Variants in SP110 observed in about 807,000 individuals in gnomAD.
The protein encoded by SP110 is interferon-induced protein 41, 30kD.
A neutral mutation model predicts 92.7 loss-of-function variants in SP110; 62 were observed. The observed-to-expected ratio is 0.67, with a 90% CI of 0.55 to 0.83. SP110 has a LOEUF of 0.83. Ranked by LOEUF, SP110 falls within the 40% of genes least tolerant of loss-of-function variation. The pLI, the probability that SP110 is intolerant of heterozygous loss-of-function variation, is 0.00. For missense variants in SP110, 793 were observed against 863.9 expected (o/e 0.92, Z 1.03); for synonymous variants, 273 against 305.3 (o/e 0.89, Z 1.10).
At chr2:230,169,792 T>C (rs1329802253) in intron 18 of SP110, among the ~76,000 whole-genome samples, 1 of 152,156 alleles carries the variant, frequency 6.6e-6, no homozygotes, top group Non-Finnish European at 1.5e-5. Flanking sequence ...TGATGCAAAA[T>C]AGCTTAACAA....
At chr2:230,182,656 G>A (rs1423571582) in intron 12 of SP110, among the ~76,000 whole-genome samples, 1 of 152,070 alleles carries the variant, frequency 6.6e-6, no homozygotes, top group Non-Finnish European at 1.5e-5. Context: ...CTAGAGACAC[G>A]GGTAGGGGTG....
At chr2:230,223,239 G>C (rs901675633), upstream of SP110, among the ~76,000 whole-genome samples, 4 of 152,118 alleles carry the variant, frequency 2.6e-5, no homozygotes, top group Admixed American at 2.6e-4. Flanking sequence ...GTTTCACCAT[G>C]TTGGCCAGGA....
At chr2:230,172,809 GCT>G in intron 15 of SP110, 33 bp downstream of exon 15, 1 of 1,387,154 alleles carries the variant, frequency 7.2e-7, no homozygotes, top group Non-Finnish European at 1.0e-6. Context: ...GGAGGTGAGT[GCT>G]GTGTGCCCGA....
Position 230,165,316 on chromosome 2 carries a change from C to T in SP110, c.*3808G>A, listed in dbSNP as rs942807226. Among the ~76,000 whole-genome samples, 1 of 152,154 alleles carries T rather than the reference C, an allele frequency of 6.6e-6. No homozygotes were observed. Among genetic ancestry groups the T allele is most frequent in the African/African-American group, 2.4e-5 (1 of 41,424 alleles). ...TAATTCTTTTCAAATTACTTAAAGA[C>T]ACACTTCAGTTGACTGAAAGGCAGA... is the stretch of plus-strand genomic sequence containing the variant. On this transcript the variant is annotated 3_prime_UTR_variant, in exon 19 of 19. Transcript: ENST00000258381.
rs558002637 is a variant in SP110 at position 230,198,045 on chromosome 2, T to C, written c.1129+2840A>G. On this transcript the variant is annotated intron_variant, in intron 10 of 18. Coordinates refer to ENST00000258381, the MANE Select transcript of SP110 (RefSeq NM_080424.4). ...GCTGCAGTAACAAATGAAACCAAAT[T>C]TTGGTGGTTTAACATTGAAAAGTGT... is the stretch of plus-strand genomic sequence containing the variant. Among the ~76,000 whole-genome samples the C allele has an allele frequency of 2.6e-5, 4 of 152,216 alleles. No homozygotes were observed. The South Asian group carries it at 8.3e-4, about 32-fold the overall frequency.
In SP110 at chr2:230,177,310, G is replaced by A. The variant is rs920977143; in HGVS notation, c.1590+228C>T. 3.1e-4 allele frequency: 176 copies of A among 571,970 alleles called. No individual in the cohort carries two copies. In the Middle Eastern group the frequency reaches 6.3e-3, roughly 21 times the overall value. The allele number at this position is 571,970 out of a possible 1,614,324, so 35.4% of individuals were successfully genotyped here. A position where few individuals can be genotyped will look rare whatever the true frequency, so the allele number is the denominator to read the frequency against. On this transcript the variant is annotated intron_variant, in intron 14 of 18. Transcript: ENST00000258381. ...TCTCTTCACCTCAAAGCCCTTTGCC[G>A]GCATTTAAAGTTCCTGTACTCCTTT...
upstream of SP110, chr2:230,221,731 AG>A: frequency 1.3e-6 from 2 of 1,536,084 alleles, no homozygotes; most frequent in South Asian, 1.2e-5. Flanking sequence ...TCACCTGGAA[AG>A]CCCCTTCATG....
chr2:230,187,650 T>C (rs972627949), intron 10 of SP110, among the ~76,000 whole-genome samples: 12 of 152,178 alleles, frequency 7.9e-5, no homozygotes, highest in African/African-American at 2.7e-4. Context: ...TTTTGATCCA[T>C]CTTGAGTTAA....
At chr2:230,176,611 G>A (rs555116233) in intron 14 of SP110, 2 of 1,613,556 alleles carry the variant, frequency 1.2e-6, no homozygotes, top group African/African-American at 1.3e-5. Flanking sequence ...GCTCTAAGGT[G>A]AGCCTCCAGA....
chr2:230,168,130 A>AAAAG lies in SP110; in HGVS notation c.*990_*993dup, dbSNP rs2078342016. 1 of 146,086 alleles carries AAAAG rather than the reference A, an allele frequency of 6.8e-6. No homozygotes were observed. Among genetic ancestry groups the AAAAG allele is most frequent in the African/African-American group, 2.5e-5 (1 of 39,478 alleles). The allele number at this position is 146,086 out of a possible 1,614,324, so 9.0% of individuals were successfully genotyped here. ...TCTCAAAAAAAAAAAAAAAAAAAAAAAAAGAAAAAGTGGGCAACTCAAGCA... is the reference window on the plus strand; with the variant it reads ...TCTCAAAAAAAAAAAAAAAAAAAAAAAAAGAAAGAAAAAGTGGGCAACTCAAGCA... On this transcript the variant is annotated 3_prime_UTR_variant, in exon 19 of 19. Coordinates refer to ENST00000258381, the MANE Select transcript of SP110 (RefSeq NM_080424.4).
chr2:230,186,957 A>G (rs2042389764), intron 10 of SP110, among the ~76,000 whole-genome samples: 1 of 152,232 alleles, frequency 6.6e-6, no homozygotes, highest in Non-Finnish European at 1.5e-5. Context: ...TTATGCAGCA[A>G]TAAACATGTG....
At chr2:230,171,432 T>C in intron 17 of SP110, 1 of 497,164 alleles carries the variant, frequency 2.0e-6, no homozygotes, top group Non-Finnish European at 3.7e-6. Context: ...AAGACATTCT[T>C]CCTAAAGAGA....
At chr2:230,189,347 T>C (rs2042503667) in intron 10 of SP110, among the ~76,000 whole-genome samples, 1 of 152,204 alleles carries the variant, frequency 6.6e-6, no homozygotes, top group South Asian at 2.1e-4. Flanking sequence ...AAAGCACTGC[T>C]TTTGCTGTAT....
chr2:230,220,062 CTGAAGGCAGGTCGG>C, upstream of SP110: 1 of 985,572 alleles, frequency 1.0e-6, no homozygotes, highest in Non-Finnish European at 1.2e-6. Flanking sequence ...AAGCCGGAAG[CTGAAGGCAGGTCGG>C]TGCCTGCAGC....
chr2:230,199,304 G>A (rs2043026812), intron 10 of SP110, among the ~76,000 whole-genome samples: 1 of 149,424 alleles, frequency 6.7e-6, no homozygotes, highest in African/African-American at 2.5e-5. Flanking sequence ...TGCCTCCTGG[G>A]TTCAAGCGAT....
Position 230,211,402 on chromosome 2 carries a change from G to T in SP110, c.751+68C>A, listed in dbSNP as rs41309098. ...GGAGAGCCCCCTCTCTAGAAGATCC[G>T]AATGGCTTTTCCTCTTAGTAAACAC... On this transcript the variant is annotated intron_variant, in intron 6 of 18. Transcript: ENST00000258381. This position sits in a 1 kb window ranked among gnomAD's most constrained non-coding sequence, Gnocchi z 4.2. 1.0e-3 allele frequency: 1,016 copies of T among 1,011,340 alleles called. 8 individuals are homozygous for T. The highest frequency in any genetic ancestry group is 1.7e-4 in the Non-Finnish European group (106 of 630,770). The allele number at this position is 1,011,340 out of a possible 1,614,324, so 62.6% of individuals were successfully genotyped here. A position where few individuals can be genotyped will look rare whatever the true frequency, so the allele number is the denominator to read the frequency against.
rs1365776 is a variant in SP110 at position 230,207,994 on chromosome 2, C to T, written c.895G>A (p.Gly299Arg). ...TCCTCTTGTACTCTCATCTTACCTCCTGGGAGGCTTTTTTTCTTATGTCTC... is the reference window on the plus strand; with the variant it reads ...TCCTCTTGTACTCTCATCTTACCTCTTGGGAGGCTTTTTTTCTTATGTCTC... Reference protein sequence around the residue: ...KRRHKKKSLPGGTASSRHGIQ... With the variant: ...KRRHKKKSLPRGTASSRHGIQ... The change falls in exon 8 of 19, where the codon GGA becomes AGA. Residue 299 changes from glycine to arginine, a missense_variant. By Grantham distance (125) the Gly-to-Arg change is moderately radical (BLOSUM62 -2). Coordinates refer to ENST00000258381, the MANE Select transcript of SP110 (RefSeq NM_080424.4). 952,571 of 1,516,630 alleles carry T rather than the reference C, an allele frequency of 0.63. 307,027 individuals are homozygous for T. The highest frequency in any genetic ancestry group is 0.92 in the African/African-American group (66,828 of 72,836). 93.9% of individuals were successfully genotyped at this position (1,516,630 alleles called of 1,614,324 possible).
chr2:230,202,453 A>T (rs2043276738), intron 9 of SP110, 126 bp downstream of exon 9: 6 of 755,318 alleles, frequency 7.9e-6, no homozygotes, highest in South Asian at 1.6e-5. Flanking sequence ...GTTATACCCC[A>T]TCCTCATTCT....
upstream of SP110, chr2:230,221,713 C>A: frequency 2.0e-6 from 3 of 1,535,984 alleles, no homozygotes; most frequent in Non-Finnish European, 2.6e-6. Context: ...ACCTGAAGCC[C>A]CTCCCCATCA....
Sources: allele counts gnomAD v4.1 joint callset (sites outside exome capture counted in the v4.1 genomes callset), GRCh38; gene constraint gnomAD v4.1.1; non-coding constraint Gnocchi (gnomAD v3.1); transcripts MANE v1.5; gene names NCBI Gene and HGNC (gene_info 2026-07-23, HGNC 2026-07-21).